The following RGL3 variants were observed in gnomAD, a reference collection of about 807,000 sequenced individuals.
RGL3 encodes ral guanine nucleotide dissociation stimulator-like 3.
Under a neutral mutation model 90.6 loss-of-function variants are expected in RGL3, and 85 were observed. The observed-to-expected ratio is 0.94, with a 90% CI of 0.79 to 1.12. The LOEUF is 1.12. RGL3 is among the 50% of genes most tolerant of loss of function. The probability of loss-of-function intolerance (pLI) is 0.00; values close to 1 mark genes in which losing one functional copy is unlikely to be tolerated. For synonymous variants in RGL3, 408 were observed against 385.5 expected (o/e 1.06, Z -0.68); for missense variants, 1,034 against 939.2 (o/e 1.10, Z -1.32).
At chr19:11,399,130 G>A (rs1968627350) in intron 16 of RGL3, among the ~76,000 whole-genome samples, 1 of 152,182 alleles carries the variant, frequency 6.6e-6, no homozygotes, top group Admixed American at 6.6e-5. Flanking sequence ...AATAGAAATA[G>A]GGTCTCACTA....
rs1215331911 is a variant in RGL3, at chr19:11,418,767, C to G, written c.51G>C (p.Trp17Cys). The change falls in exon 2 of 19, where the codon TGG becomes TGC. Residue 17 changes from tryptophan (W) to cysteine (C), a missense_variant. By Grantham distance (215) the Trp-to-Cys change is radical. Coordinates refer to ENST00000380456, the MANE Select transcript of RGL3 (RefSeq NM_001035223.4). Reference protein sequence around the residue: ...KELALAPLQDWGEETEDGAVY... With the variant: ...KELALAPLQDCGEETEDGAVY... Reference sequence around the variant, plus strand: ...CCGCGCCGTCCTCGGTCTCTTCACCCCAGTCCTGCAGCGGTGCCTGGACGC... The same window carrying G: ...CCGCGCCGTCCTCGGTCTCTTCACCGCAGTCCTGCAGCGGTGCCTGGACGC... 3 of 1,560,866 alleles carry G rather than the reference C, an allele frequency of 1.9e-6. No individual in the cohort carries two copies. The highest frequency in any genetic ancestry group is 8.6e-7 in the Non-Finnish European group (1 of 1,156,820).
Position 11,396,153 on chromosome 19 carries a change from TA to T in RGL3, c.2014+1090del, listed in dbSNP as rs1568334109. On this transcript the variant is annotated intron_variant, in intron 18 of 18. Transcript: ENST00000380456. ...CTCTCTCTCTATATATATATATATA[TA>T]TATATTTTTTTTTTTTTTTTTTTTT... Among the ~76,000 whole-genome samples, 16 of 76,234 alleles carry T rather than the reference TA, an allele frequency of 2.1e-4. 2 individuals carry two copies. Among genetic ancestry groups the T allele is most frequent in the African/African-American group, 8.8e-4 (14 of 15,984 alleles). 50.0% of individuals were successfully genotyped at this position (76,234 alleles called of 152,430 possible).
chr19:11,396,956 C>T (rs1968584081), intron 18 of RGL3, among the ~76,000 whole-genome samples: 1 of 152,166 alleles, frequency 6.6e-6, no homozygotes, highest in South Asian at 2.1e-4. Context: ...ACATGAGCCA[C>T]TGCGCCTGGC....
chr19:11,395,106 C>A (rs868092301), intron 18 of RGL3, among the ~76,000 whole-genome samples: 28 of 149,268 alleles, frequency 1.9e-4, no homozygotes, highest in Admixed American at 1.3e-3. Context: ...AAAAAAAAAA[C>A]AAAAACAAAC....
chr19:11,414,500 T>TATATATATATATACACCTTC (rs1968952902), intron 5 of RGL3, among the ~76,000 whole-genome samples: 1 of 75,146 alleles, frequency 1.3e-5, no homozygotes, highest in African/African-American at 5.1e-5. Flanking sequence ...CATATATATA[T>TATATATATATATACACCTTC]ATATATATAT....
intron 5 of RGL3, among the ~76,000 whole-genome samples, chr19:11,410,374 G>A (rs1318316539): frequency 1.3e-5 from 2 of 151,998 alleles, no homozygotes; most frequent in South Asian, 4.2e-4. Context: ...AGGACAGGTG[G>A]CATTGCAAAA....
At chr19:11,413,342 A>T (rs959198253) in intron 5 of RGL3, among the ~76,000 whole-genome samples, 1 of 151,678 alleles carries the variant, frequency 6.6e-6, no homozygotes, top group African/African-American at 2.4e-5. Context: ...TCAAGACCAG[A>T]CTGACCAACA....
At chr19:11,415,825 T>A in intron 5 of RGL3, 112 bp downstream of exon 5, 1 of 973,994 alleles carries the variant, frequency 1.0e-6, no homozygotes, top group Non-Finnish European at 1.5e-6. Flanking sequence ...AGGCTTAGAG[T>A]TTAAAATCTT....
intron 13 of RGL3, among the ~76,000 whole-genome samples, chr19:11,401,136 G>T (rs952836243): frequency 6.6e-6 from 1 of 151,964 alleles, no homozygotes; most frequent in Non-Finnish European, 1.5e-5. Context: ...CAACAGATGG[G>T]ACAGTTGAGT....
Position 11,406,465 on chromosome 19 carries a change from G to T in RGL3, c.950C>A (p.Ala317Asp). The T allele has an allele frequency of 1.9e-6, 3 of 1,550,958 alleles. No homozygotes were observed. Among genetic ancestry groups the T allele is most frequent in the Non-Finnish European group, 1.7e-6 (2 of 1,151,276 alleles). The change falls in exon 7 of 19, where the codon GCC (alanine) becomes GAC (aspartate). Residue 317 changes from alanine (A) to aspartate (D), a missense_variant. Coordinates refer to ENST00000380456, the MANE Select transcript of RGL3 (RefSeq NM_001035223.4). ...CTCCAGCCGCTGCGCCCTCTGCGGG[G>T]CGGCCAAGCCCGGTGCTCCGAGCAC... ...GSVLGAPGLA[A>D]PQRAQRLEKW...
intron 18 of RGL3, among the ~76,000 whole-genome samples, chr19:11,396,963 T>C (rs1968584237): frequency 1.3e-5 from 2 of 152,140 alleles, no homozygotes; most frequent in African/African-American, 4.8e-5. Flanking sequence ...CCACTGCGCC[T>C]GGCCGGACCC....
intron 13 of RGL3, among the ~76,000 whole-genome samples, chr19:11,401,697 A>G (rs10413578): frequency 0.088 from 13,407 of 151,748 alleles, 638 homozygotes; most frequent in East Asian, 0.18. Context: ...CACCGTGCCC[A>G]GCCACGTTCA....
At position 11,397,466 on chromosome 19, in the gene RGL3, C is replaced by T; in HGVS notation, c.1878G>A (p.Gly626=). ...TCACCAAGATGCTTCGATACAGGTTCCCGTGGTCATTGTCGATGCTGACGC... is the reference window on the plus strand; with the variant it reads ...TCACCAAGATGCTTCGATACAGGTTTCCGTGGTCATTGTCGATGCTGACGC... ...VIRVSIDNDH[G]NLYRSILLTS... is the part of the protein sequence containing the mutation. Residue 626 remains glycine (G), a synonymous_variant, in exon 17 of 19, where the codon GGG becomes GGA. Coordinates refer to ENST00000380456, the MANE Select transcript of RGL3 (RefSeq NM_001035223.4). The T allele has an allele frequency of 6.2e-7, 1 of 1,611,828 alleles. No individual in the cohort carries two copies. Among genetic ancestry groups the T allele is most frequent in the Non-Finnish European group, 8.5e-7 (1 of 1,178,636 alleles).
rs1969014836 is a variant in RGL3, at chr19:11,417,044, C to T, written c.163G>A (p.Ala55Thr). Residue 55 changes from alanine (A) to threonine (T), a missense_variant, in exon 3 of 19, where the codon GCC (alanine) becomes ACC (threonine). By Grantham distance (58) the Ala-to-Thr change is moderately conservative. Coordinates refer to ENST00000380456, the MANE Select transcript of RGL3 (RefSeq NM_001035223.4). ...PGGSQAPSPI[A>T]NTFLHYRTSK... ...GTTCGATAGTGGAGGAAGGTATTGG[C>T]AATGGGGCTGGGAGCCTGCAGGAGG... is the stretch of plus-strand genomic sequence containing the variant. The T allele has an allele frequency of 1.9e-6, 3 of 1,603,970 alleles. No individual in the cohort carries two copies. The highest frequency in any genetic ancestry group is 4.5e-5 in the East Asian group (2 of 44,842).
chr19:11,406,175 C>G (rs978970253), intron 7 of RGL3, among the ~76,000 whole-genome samples: 4 of 152,102 alleles, frequency 2.6e-5, no homozygotes, highest in African/African-American at 7.2e-5. Flanking sequence ...GCCCCTGCCT[C>G]CGACCTTGAC....
Position 11,418,774 on chromosome 19 carries a change from T to G in RGL3, c.44A>C (p.Gln15Pro). ...AGKELALAPL[Q>P]DWGEETEDGA... Reference sequence around the variant, plus strand: ...GTCCTCGGTCTCTTCACCCCAGTCCTGCAGCGGTGCCTGGACGCACAGGCG... The same window carrying G: ...GTCCTCGGTCTCTTCACCCCAGTCCGGCAGCGGTGCCTGGACGCACAGGCG... Residue 15 changes from glutamine to proline, a missense_variant, in exon 2 of 19, where the codon CAG becomes CCG. Coordinates refer to ENST00000380456, the MANE Select transcript of RGL3 (RefSeq NM_001035223.4). 1 of 1,549,554 alleles carries G rather than the reference T, an allele frequency of 6.5e-7. No individual in the cohort carries two copies. The highest frequency in any genetic ancestry group is 8.7e-7 in the Non-Finnish European group (1 of 1,150,762).
Position 11,405,520 on chromosome 19 carries a change from T to C in RGL3, c.997-94A>G, listed in dbSNP as rs1968762756. 2 of 721,838 alleles carry C rather than the reference T, an allele frequency of 2.8e-6. 1 individual carries two copies. The highest frequency in any genetic ancestry group is 3.8e-6 in the Non-Finnish European group (2 of 530,866). The allele number at this position is 721,838 out of a possible 1,614,324, so 44.7% of individuals were successfully genotyped here. A position where few individuals can be genotyped will look rare whatever the true frequency, so the allele number is the denominator to read the frequency against. On this transcript the variant is annotated intron_variant, in intron 7 of 18. Transcript: ENST00000380456. ...TTTTTTTTTTTTTTTTTTTTTTTTT[T>C]TTTTTTTTTTTTTTTTTTTGAGAGA...
intron 16 of RGL3, among the ~76,000 whole-genome samples, chr19:11,398,822 G>A (rs112073930): frequency 6.6e-6 from 1 of 151,532 alleles, no homozygotes; most frequent in Non-Finnish European, 1.5e-5. Flanking sequence ...AGGTGTGCGC[G>A]ACCATACCCA....
intron 5 of RGL3, among the ~76,000 whole-genome samples, chr19:11,414,734 C>CA (rs1327304145): frequency 6.6e-6 from 1 of 151,280 alleles, no homozygotes; most frequent in Non-Finnish European, 1.5e-5. Flanking sequence ...AATTATTCAG[C>CA]AAACTAATCT....
Sources: allele counts gnomAD v4.1 joint callset (sites outside exome capture counted in the v4.1 genomes callset), GRCh38; gene constraint gnomAD v4.1.1; transcripts MANE v1.5; gene names NCBI Gene and HGNC (gene_info 2026-07-23, HGNC 2026-07-21).